HPR: variants seen among roughly 807,000 people sequenced by gnomAD.
HPR encodes Haptoglobin-related locus.
Under a neutral mutation model 18.5 loss-of-function variants are expected in HPR, and 17 were observed. That is an observed-to-expected ratio of 0.92 (90% CI 0.63 to 1.38). HPR has a LOEUF of 1.38. Ranked by LOEUF, HPR falls within the 40% of genes most tolerant of loss-of-function variation. The pLI, the probability that HPR is intolerant of heterozygous loss-of-function variation, is 0.00. For missense variants in HPR, 457 were observed against 432.4 expected (o/e 1.06, Z -0.51); for synonymous variants, 176 against 165.0 (o/e 1.07, Z -0.51).
chr16:72,063,662 A>G (rs2041566315), intron 1 of HPR, among the ~76,000 whole-genome samples: 1 of 152,200 alleles, frequency 6.6e-6, no homozygotes, highest in Admixed American at 6.5e-5. Flanking sequence ...TGGGATACAC[A>G]CTAGTACCTG....
rs780479551 is a variant in HPR, at chr16:72,076,386, C to T, written c.352C>T (p.Gln118Ter). 7.4e-6 allele frequency: 12 copies of T among 1,614,156 alleles called. No individual in the cohort carries two copies. Among genetic ancestry groups the T allele is most frequent in the South Asian group, 1.1e-5 (1 of 91,078 alleles). Residue 118 changes from glutamine (Q) to a stop codon, truncating the protein, a stop_gained, in exon 5 of 5, where the codon CAG (glutamine) becomes TAG (stop). Coordinates refer to ENST00000540303, the MANE Select transcript of HPR (RefSeq NM_020995.4). LOFTEE classifies it low-confidence loss of function (END_TRUNC). ...HLDAKGSFPW[Q>*]AKMVSHHNLT... ...GGATGCCAAAGGCAGCTTTCCCTGG[C>T]AGGCTAAGATGGTTTCCCACCATAA... is the stretch of plus-strand genomic sequence containing the variant.
chr16:72,071,136 C>T (rs1413418947), intron 1 of HPR, among the ~76,000 whole-genome samples: 2 of 152,158 alleles, frequency 1.3e-5, no homozygotes, highest in Non-Finnish European at 2.9e-5. Context: ...CACCCAGAGT[C>T]TGGGAAACGA....
rs767962636 is a variant in HPR at position 72,074,420 on chromosome 16, A to C, written c.193+35A>C. The C allele has an allele frequency of 1.0e-4, 153 of 1,513,818 alleles. 1 individual carries two copies. The highest frequency in any genetic ancestry group is 1.3e-4 in the Non-Finnish European group (143 of 1,088,300). 93.8% of individuals were successfully genotyped at this position (1,513,818 alleles called of 1,614,324 possible). On this transcript the variant is annotated intron_variant, in intron 3 of 4. Coordinates refer to ENST00000540303, the MANE Select transcript of HPR (RefSeq NM_020995.4). ...GGACAACTATCTCTGTGCTCTACCT[A>C]CAACCCCTGCTCTGACATTTCCATG...
chr16:72,076,101 T>C (rs1291578340), intron 4 of HPR, among the ~76,000 whole-genome samples: 1 of 152,192 alleles, frequency 6.6e-6, no homozygotes, highest in Non-Finnish European at 1.5e-5. Flanking sequence ...TATTTAGAAA[T>C]AGAGCTTTTT....
intron 1 of HPR, among the ~76,000 whole-genome samples, chr16:72,064,442 A>G (rs1429819958): frequency 6.6e-6 from 1 of 151,586 alleles, no homozygotes; most frequent in South Asian, 2.1e-4. Context: ...TCTGCTACCC[A>G]CTCTGTGATT....
At chr16:72,073,391 G>T (rs1489834131) in intron 1 of HPR, among the ~76,000 whole-genome samples, 1 of 152,098 alleles carries the variant, frequency 6.6e-6, no homozygotes, top group Non-Finnish European at 1.5e-5. Flanking sequence ...TATATTTAAG[G>T]AATCTTTGAT....
At chr16:72,065,112 G>C (rs7189591) in intron 1 of HPR, among the ~76,000 whole-genome samples, 2 of 151,746 alleles carry the variant, frequency 1.3e-5, no homozygotes, top group Non-Finnish European at 2.9e-5. Context: ...AGTCCAATCT[G>C]TGGGTCTATG....
intron 1 of HPR, among the ~76,000 whole-genome samples, chr16:72,070,239 T>TTA (rs1269293096): frequency 6.6e-6 from 1 of 152,214 alleles, no homozygotes; most frequent in East Asian, 1.9e-4. Flanking sequence ...ATTGCCCTAT[T>TTA]TATACTCCAC....
intron 1 of HPR, among the ~76,000 whole-genome samples, chr16:72,073,354 G>C (rs1423283949): frequency 1.3e-5 from 2 of 152,136 alleles, no homozygotes; most frequent in African/African-American, 4.8e-5. Flanking sequence ...CTTCTTTGCA[G>C]CACCAAGCAT....
chr16:72,076,574 A>G lies in HPR; in HGVS notation c.540A>G (p.Leu180=). Reference sequence around the variant, plus strand: ...TTGTAGAGATTGAGAAGGTGGTTCTACACCCTAACTACCACCAGGTAGATA... The same window carrying G: ...TTGTAGAGATTGAGAAGGTGGTTCTGCACCCTAACTACCACCAGGTAGATA... ...KQLVEIEKVV[L]HPNYHQVDIG... Residue 180 remains leucine, a synonymous_variant, in exon 5 of 5, where the codon CTA becomes CTG. Coordinates refer to ENST00000540303, the MANE Select transcript of HPR (RefSeq NM_020995.4). The G allele has an allele frequency of 1.2e-6, 2 of 1,614,228 alleles. No individual in the cohort carries two copies. The highest frequency in any genetic ancestry group is 1.7e-6 in the Non-Finnish European group (2 of 1,180,044).
chr16:72,064,653 C>T (rs776584392), intron 1 of HPR, among the ~76,000 whole-genome samples: 3 of 152,202 alleles, frequency 2.0e-5, no homozygotes, highest in Non-Finnish European at 4.4e-5. Context: ...GTTTAGGGTG[C>T]TCTCGTGGCA....
At chr16:72,066,029 C>T (rs1326213007) in intron 1 of HPR, among the ~76,000 whole-genome samples, 1 of 152,180 alleles carries the variant, frequency 6.6e-6, no homozygotes, top group Admixed American at 6.5e-5. Flanking sequence ...CTGTTCATTG[C>T]CAACCTAAAT....
At chr16:72,068,345 A>T (rs1033015161) in intron 1 of HPR, among the ~76,000 whole-genome samples, 16 of 152,102 alleles carry the variant, frequency 1.1e-4, no homozygotes, top group Admixed American at 5.9e-4. Context: ...TCGTGTCCTT[A>T]CCCTTGCCTC....
intron 1 of HPR, among the ~76,000 whole-genome samples, chr16:72,067,562 T>C (rs2144063350): frequency 6.6e-6 from 1 of 152,280 alleles, no homozygotes; most frequent in South Asian, 2.1e-4. Context: ...GAGAAATACA[T>C]TCATCCTGAT....
intron 1 of HPR, among the ~76,000 whole-genome samples, chr16:72,066,922 A>C (rs1402773935): frequency 6.6e-6 from 1 of 152,192 alleles, no homozygotes; most frequent in Admixed American, 6.5e-5. Flanking sequence ...CAGAAACTAT[A>C]AAAGGTCCCA....
chr16:72,075,792 T>C (rs1395157169), intron 4 of HPR, among the ~76,000 whole-genome samples: 5 of 152,170 alleles, frequency 3.3e-5, no homozygotes, highest in Admixed American at 6.5e-5. Context: ...TCAGAGATGA[T>C]GAATTATTGT....
At chr16:72,064,287 A>G (rs752112223) in intron 1 of HPR, among the ~76,000 whole-genome samples, 6 of 152,186 alleles carry the variant, frequency 3.9e-5, no homozygotes, top group Non-Finnish European at 7.3e-5. Context: ...ACAGTAAGAA[A>G]TTCTTCTTCA....
chr16:72,065,179 T>A (rs186232915), intron 1 of HPR, among the ~76,000 whole-genome samples: 2 of 152,192 alleles, frequency 1.3e-5, no homozygotes, highest in East Asian at 3.9e-4. Flanking sequence ...GTTTATATAG[T>A]CCTCCCAATG....
In HPR at chr16:72,074,796, C is replaced by T. The variant is rs1417039829; in HGVS notation, c.194-349C>T. On this transcript the variant is annotated intron_variant, in intron 3 of 4. Coordinates refer to ENST00000540303, the MANE Select transcript of HPR (RefSeq NM_020995.4). ...CCCACTGAATAGAGGTTATTATTCT[C>T]ACTTTGCTGATAAGGAAACAGAGGC... The T allele has an allele frequency of 4.6e-6, 3 of 655,530 alleles. No individual in the cohort carries two copies. In the African/African-American group the frequency reaches 5.4e-5, roughly 12 times the overall value. The allele number at this position is 655,530 out of a possible 1,614,324, so 40.6% of individuals were successfully genotyped here.
Sources: gnomAD v4.1 joint callset for allele counts (sites outside exome capture counted in the v4.1 genomes callset) on GRCh38, gnomAD v4.1.1 for gene constraint, MANE v1.5 for transcripts, NCBI Gene and HGNC (gene_info 2026-07-23, HGNC 2026-07-21) for gene names.